The following IL1RAP variants were observed in gnomAD, a reference collection of about 807,000 sequenced individuals.
IL1RAP encodes interleukin 1 receptor accessory protein, also known as interleukin-1 receptor accessory protein.
A neutral mutation model predicts 60.7 loss-of-function variants in IL1RAP; 35 were observed. The observed-to-expected ratio is 0.58, with a 90% confidence interval of 0.44 to 0.76. IL1RAP has a LOEUF of 0.76. Among genes scored for constraint, IL1RAP ranks in the 30% least tolerant of loss-of-function variants. The probability of loss-of-function intolerance (pLI) is 0.00; values close to 1 mark genes in which losing one functional copy is unlikely to be tolerated. For missense variants in IL1RAP, 572 were observed against 693.9 expected (o/e 0.82, Z 1.97); for synonymous variants, 268 against 250.9 (o/e 1.07, Z -0.64).
At chr3:190,517,399 A>AT (rs1316754467) in intron 1 of IL1RAP, among the ~76,000 whole-genome samples, 2 of 151,940 alleles carry the variant, frequency 1.3e-5, no homozygotes, top group African/African-American at 4.8e-5. Flanking sequence ...TTTTTTGACA[A>AT]TTTTGTGGGT....
chr3:190,536,274 G>A (rs765355308), intron 1 of IL1RAP, among the ~76,000 whole-genome samples: 1 of 152,100 alleles, frequency 6.6e-6, no homozygotes, highest in African/African-American at 2.4e-5. Context: ...TATAAATAAA[G>A]TTGATTCTTT....
At chr3:190,627,832 G>A (rs901566108) in intron 8 of IL1RAP, among the ~76,000 whole-genome samples, 12 of 152,120 alleles carry the variant, frequency 7.9e-5, no homozygotes, top group East Asian at 1.9e-4. Context: ...TTGTGGGTAC[G>A]TGGAAACCTA....
chr3:190,559,356 A>G (rs1003118474), intron 2 of IL1RAP, among the ~76,000 whole-genome samples: 1 of 151,604 alleles, frequency 6.6e-6, no homozygotes, highest in Non-Finnish European at 1.5e-5. Context: ...TTATTTTTCT[A>G]TATGTATATA....
At chr3:190,645,040 A>T (rs1223509558) in intron 10 of IL1RAP, among the ~76,000 whole-genome samples, 1 of 152,196 alleles carries the variant, frequency 6.6e-6, no homozygotes, top group South Asian at 2.1e-4. Context: ...CATTTAAACC[A>T]TATTCCCAAG....
chr3:190,524,643 A>C (rs1722356784), intron 1 of IL1RAP, among the ~76,000 whole-genome samples: 1 of 152,124 alleles, frequency 6.6e-6, no homozygotes, highest in Non-Finnish European at 1.5e-5. Flanking sequence ...AAAGTCCACA[A>C]GGACAGGGAC....
intron 1 of IL1RAP, among the ~76,000 whole-genome samples, chr3:190,544,553 A>T (rs1724210849): frequency 6.6e-6 from 1 of 152,166 alleles, no homozygotes; most frequent in Non-Finnish European, 1.5e-5. Context: ...TAATACACCC[A>T]GTGAGAGAAT....
intron 3 of IL1RAP, among the ~76,000 whole-genome samples, chr3:190,601,993 A>G (rs1190437778): frequency 6.6e-6 from 1 of 152,144 alleles, no homozygotes; most frequent in African/African-American, 2.4e-5. Context: ...TTTGTTTGCC[A>G]GTAGAACTCA....
intron 3 of IL1RAP, among the ~76,000 whole-genome samples, chr3:190,578,830 C>T (rs1178595449): frequency 6.6e-6 from 1 of 152,134 alleles, no homozygotes; most frequent in Non-Finnish European, 1.5e-5. Flanking sequence ...AGAGCGTGTG[C>T]AGGGGAACTG....
At chr3:190,519,221 T>C (rs900880881) in intron 1 of IL1RAP, among the ~76,000 whole-genome samples, 1 of 152,186 alleles carries the variant, frequency 6.6e-6, no homozygotes, top group Non-Finnish European at 1.5e-5. Context: ...TGTAATCACA[T>C]CTATTTGCAA....
intron 3 of IL1RAP, among the ~76,000 whole-genome samples, chr3:190,571,710 T>C (rs1265428412): frequency 2.0e-5 from 3 of 152,236 alleles, no homozygotes; most frequent in Non-Finnish European, 4.4e-5. Flanking sequence ...GAGAAGACTT[T>C]AGATTCACTG....
chr3:190,522,925 A>T (rs1285090802), intron 1 of IL1RAP, among the ~76,000 whole-genome samples: 2 of 152,092 alleles, frequency 1.3e-5, no homozygotes, highest in African/African-American at 4.8e-5. Context: ...TTGAATTTGG[A>T]TTCAAATTCT....
chr3:190,543,483 T>TA (rs536535555), intron 1 of IL1RAP, among the ~76,000 whole-genome samples: 114 of 152,176 alleles, frequency 7.5e-4, no homozygotes, highest in African/African-American at 2.6e-3. Flanking sequence ...TAGTACAAGA[T>TA]AAAAAAGCAC....
chr3:190,634,286 ATTTT>A (rs1178679157), intron 9 of IL1RAP, among the ~76,000 whole-genome samples: 1 of 135,126 alleles, frequency 7.4e-6, no homozygotes. Flanking sequence ...CATGTTAAGA[ATTTT>A]TTTTTTTTTT....
At chr3:190,597,462 A>T (rs1325069584) in intron 3 of IL1RAP, among the ~76,000 whole-genome samples, 1 of 152,208 alleles carries the variant, frequency 6.6e-6, no homozygotes, top group African/African-American at 2.4e-5. Flanking sequence ...TGCTCTGAGC[A>T]GTGGCAGGAA....
At chr3:190,554,693 T>C (rs1377516707) in intron 1 of IL1RAP, 1 of 152,106 alleles carries the variant, frequency 6.6e-6, no homozygotes. Flanking sequence ...TTGGAGGAAT[T>C]GTATCCTTTT....
chr3:190,582,661 C>T (rs1728109238), intron 3 of IL1RAP, among the ~76,000 whole-genome samples: 1 of 152,160 alleles, frequency 6.6e-6, no homozygotes, highest in Non-Finnish European at 1.5e-5. Context: ...AGCTGTTTCT[C>T]CTTCACTTTT....
chr3:190,522,583 T>C (rs2108606120), intron 1 of IL1RAP, among the ~76,000 whole-genome samples: 1 of 152,210 alleles, frequency 6.6e-6, no homozygotes, highest in Middle Eastern at 3.4e-3. Flanking sequence ...GTGCTGCTGT[T>C]TACCCAAAGC....
At position 190,537,115 on chromosome 3, in the gene IL1RAP, C is replaced by T. The variant is rs537941120; in HGVS notation, c.-88-19015C>T. Among the ~76,000 whole-genome samples the T allele has an allele frequency of 4.1e-4, 63 of 152,038 alleles. 1 individual carries two copies. The South Asian group carries it at 7.7e-3, about 19-fold the overall frequency. On this transcript the variant is annotated intron_variant, in intron 1 of 11. Coordinates refer to ENST00000447382, the MANE Select transcript of IL1RAP (RefSeq NM_002182.4). ...GAGACTCGTAGCCTATCTCAAAGAG[C>T]GATAATGTGATATTTAAAGATTTTG... is the stretch of plus-strand genomic sequence containing the variant.
At chr3:190,619,815 A>G (rs1051116874) in intron 5 of IL1RAP, among the ~76,000 whole-genome samples, 1 of 152,174 alleles carries the variant, frequency 6.6e-6, no homozygotes, top group Non-Finnish European at 1.5e-5. Flanking sequence ...AAAAATGCCA[A>G]TCAGACATCT....
Sources: gnomAD v4.1 joint callset for allele counts (sites outside exome capture counted in the v4.1 genomes callset) on GRCh38, gnomAD v4.1.1 for gene constraint, MANE v1.5 for transcripts, NCBI Gene and HGNC (gene_info 2026-07-23, HGNC 2026-07-21) for gene names.